TENM4: variants seen among roughly 807,000 people sequenced by gnomAD.
TENM4 encodes the protein teneurin-4.
In TENM4, 82 loss-of-function variants were observed where a neutral mutation model predicts 243.3. That is an observed-to-expected ratio of 0.34 (90% CI 0.28 to 0.40). TENM4 has a LOEUF of 0.40. Ranked by LOEUF, TENM4 falls within the 10% of genes least tolerant of loss-of-function variation. TENM4 has a pLI of 1.00. For missense variants in TENM4, 3,138 were observed against 3,673.3 expected (o/e 0.85, Z 3.77); for synonymous variants, 1,412 against 1,456.3 (o/e 0.97, Z 0.69).
intron 1 of TENM4, among the ~76,000 whole-genome samples, chr11:79,409,459 C>T (rs990908126): frequency 6.6e-6 from 1 of 152,062 alleles, no homozygotes; most frequent in African/African-American, 2.4e-5. Flanking sequence ...GAATGAGGGG[C>T]GGCAGGAATC....
At chr11:78,667,885 T>C (rs1286476738) in intron 32 of TENM4, among the ~76,000 whole-genome samples, 1 of 152,206 alleles carries the variant, frequency 6.6e-6, no homozygotes, top group Admixed American at 6.5e-5. Flanking sequence ...GTGTGGGCTT[T>C]ACCCAAACCC....
intron 2 of TENM4, among the ~76,000 whole-genome samples, chr11:79,288,662 A>C (rs554962387): frequency 3.3e-5 from 5 of 152,232 alleles, no homozygotes; most frequent in Non-Finnish European, 5.9e-5. Context: ...CTCTTGCAAG[A>C]CGTTACATCT....
chr11:78,981,289 GA>G (rs1255596302), intron 6 of TENM4, among the ~76,000 whole-genome samples: 1 of 152,172 alleles, frequency 6.6e-6, no homozygotes, highest in Non-Finnish European at 1.5e-5. Flanking sequence ...CCCATGTGCA[GA>G]ACACTCTATG....
intron 6 of TENM4, among the ~76,000 whole-genome samples, chr11:78,961,408 C>T (rs1174627208): frequency 6.6e-6 from 1 of 152,184 alleles, no homozygotes; most frequent in African/African-American, 2.4e-5. Flanking sequence ...TCAAGTCTAA[C>T]AGCACCTGAT....
rs750821001 is a variant in TENM4 at position 78,661,590 on chromosome 11, A to G, written c.7410T>C (p.Asp2470=). 1.9e-6 allele frequency: 3 copies of G among 1,613,072 alleles called. No homozygotes were observed. Among genetic ancestry groups the G allele is most frequent in the Non-Finnish European group, 1.7e-6 (2 of 1,179,604 alleles). Reference sequence around the variant, plus strand: ...CAAAGGTGAGCAGCCAGCTGTTAACATCTGGATGGGAGGGAAGCAGAAACA... The same window carrying G: ...CAAAGGTGAGCAGCCAGCTGTTAACGTCTGGATGGGAGGGAAGCAGAAACA... ...NSQDIKCFMT[D]VNSWLLTFGF... is the part of the protein sequence containing the mutation. The change falls in exon 33 of 34, where the codon GAT becomes GAC. Residue 2470 remains aspartate (D), a splice_region_variant and synonymous_variant. Coordinates refer to ENST00000278550, the MANE Select transcript of TENM4 (RefSeq NM_001098816.3).
chr11:78,860,298 G>C (rs1263480846), intron 10 of TENM4, among the ~76,000 whole-genome samples: 3 of 152,158 alleles, frequency 2.0e-5, no homozygotes, highest in African/African-American at 7.2e-5. Context: ...TGAATGGATA[G>C]ATATAGTTAT....
chr11:79,417,739 G>A (rs1001179571), intron 1 of TENM4, among the ~76,000 whole-genome samples: 5 of 151,876 alleles, frequency 3.3e-5, no homozygotes, highest in African/African-American at 1.2e-4. Flanking sequence ...AGCTCCTTGT[G>A]GCCTTCTTTC....
At chr11:78,672,372 A>G (rs768567973) in intron 30 of TENM4, 43 bp from the exon 31 acceptor site, 2 of 1,578,132 alleles carry the variant, frequency 1.3e-6, no homozygotes, top group Non-Finnish European at 1.7e-6. Flanking sequence ...AATCTGGACC[A>G]TGAGAACTTT....
At chr11:79,355,438 C>T (rs1210215109) in intron 1 of TENM4, among the ~76,000 whole-genome samples, 1 of 151,688 alleles carries the variant, frequency 6.6e-6, no homozygotes, top group Non-Finnish European at 1.5e-5. Context: ...GAGGCTGAGG[C>T]AAGAGAATTG....
At position 78,889,895 on chromosome 11, in the gene TENM4, C is replaced by G; in HGVS notation, c.974G>C (p.Arg325Pro). 6.4e-7 allele frequency: 1 copy of G among 1,551,734 alleles called. No individual in the cohort carries two copies. Among genetic ancestry groups the G allele is most frequent in the Admixed American group, 2.0e-5 (1 of 50,994 alleles). Residue 325 changes from arginine (R) to proline (P), a missense_variant, in exon 9 of 34, where the codon CGG becomes CCG. This residue lies in a region of TENM4 where 671 missense variants were observed against 614.1 expected (regional missense o/e 1.09). Transcript: ENST00000278550. ...GGGCTTCTTGAGGTTAAAGGCCGGC[C>G]GGGCGAAGGTGCTGCGGGGCAGGGG... Reference protein sequence around the residue: ...PRPLPRSTFARPAFNLKKPSK... With the variant: ...PRPLPRSTFAPPAFNLKKPSK...
At chr11:79,274,233 A>G (rs2135350405) in intron 2 of TENM4, among the ~76,000 whole-genome samples, 1 of 152,378 alleles carries the variant, frequency 6.6e-6, no homozygotes, top group South Asian at 2.1e-4. Flanking sequence ...AGAAGGCAGA[A>G]GGTCCCTTTG....
At chr11:78,778,396 G>A (rs183382493) in intron 17 of TENM4, among the ~76,000 whole-genome samples, 201 of 152,264 alleles carry the variant, frequency 1.3e-3, no homozygotes, top group Middle Eastern at 6.8e-3. Flanking sequence ...TGGGGAGAAT[G>A]ACACTCCAGG....
intron 6 of TENM4, among the ~76,000 whole-genome samples, chr11:79,018,361 G>C (rs1423349373): frequency 2.0e-5 from 3 of 152,118 alleles, no homozygotes; most frequent in Non-Finnish European, 4.4e-5. Flanking sequence ...TGATAGGCCA[G>C]GGGTAATCTC....
Position 79,066,529 on chromosome 11 carries a change from AAGTT to A in TENM4, c.224-1526_224-1523del, listed in dbSNP as rs544816290. On this transcript the variant is annotated intron_variant, in intron 5 of 33. Transcript: ENST00000278550. ...CTGCTGCAGAGTAGGTGCCCTGTAA[AAGTT>A]AGGTAACCACACACATGCAGACACA... 1.3e-4 allele frequency among the ~76,000 whole-genome samples: 20 copies of A among 152,272 alleles called. No individual in the cohort carries two copies. The East Asian group carries it at 1.9e-3, about 15-fold the overall frequency.
At chr11:78,913,208 T>A (rs1856230226) in intron 6 of TENM4, among the ~76,000 whole-genome samples, 1 of 152,214 alleles carries the variant, frequency 6.6e-6, no homozygotes, top group African/African-American at 2.4e-5. Context: ...CTTCCCTTCC[T>A]CCTTCCTTCC....
At chr11:79,163,532 C>T (rs1862803000) in intron 3 of TENM4, among the ~76,000 whole-genome samples, 1 of 151,724 alleles carries the variant, frequency 6.6e-6, no homozygotes, top group African/African-American at 2.4e-5. Context: ...GTCTTTTATT[C>T]CTCACACCCC....
intron 3 of TENM4, among the ~76,000 whole-genome samples, chr11:79,159,749 AC>A (rs1202637695): frequency 6.6e-6 from 1 of 151,978 alleles, no homozygotes; most frequent in Non-Finnish European, 1.5e-5. Context: ...CTACTGGTTC[AC>A]TCACTCGTTC....
At chr11:79,183,206 C>T (rs1482341202) in intron 3 of TENM4, among the ~76,000 whole-genome samples, 3 of 152,064 alleles carry the variant, frequency 2.0e-5, no homozygotes, top group African/African-American at 7.2e-5. Flanking sequence ...TACATCCAGA[C>T]AATGGAATAT....
chr11:79,098,967 C>T (rs1369078014), intron 4 of TENM4, among the ~76,000 whole-genome samples: 2 of 152,190 alleles, frequency 1.3e-5, no homozygotes, highest in African/African-American at 2.4e-5. Flanking sequence ...GGGTGACTGT[C>T]TAGATTGAAT....
Sources: gnomAD v4.1 joint callset for allele counts (sites outside exome capture counted in the v4.1 genomes callset) on GRCh38, gnomAD v4.1.1 for gene constraint, gnomAD v4.1.1 regional missense constraint, MANE v1.5 for transcripts, NCBI Gene and HGNC (gene_info 2026-07-23, HGNC 2026-07-21) for gene names.